The following AMOT variants were observed in gnomAD, a reference collection of about 807,000 sequenced individuals.
AMOT encodes angiomotin.
A neutral mutation model predicts 67.0 loss-of-function variants in AMOT; 11 were observed. The observed-to-expected ratio is 0.16, with a 90% CI of 0.10 to 0.27. The LOEUF is 0.27. Ranked by LOEUF, AMOT falls within the 10% of genes least tolerant of loss-of-function variation. The probability of loss-of-function intolerance (pLI) is 1.00; values close to 1 mark genes in which losing one functional copy is unlikely to be tolerated. For missense variants in AMOT, 753 were observed against 852.0 expected, an observed-to-expected ratio of 0.88 and a Z score of 1.45; for synonymous variants, 326 against 321.4, an observed-to-expected ratio of 1.01 and a Z score of -0.15.
chrX:112,794,332 A>G (rs989902234), intron 8 of AMOT, among the ~76,000 whole-genome samples: 1 of 112,108 alleles, frequency 8.9e-6, no homozygotes, highest in African/African-American at 3.2e-5. Context: ...ATAGGCATGC[A>G]GGTCAGATAA....
At chrX:112,793,632 G>C (rs897400227) in intron 8 of AMOT, among the ~76,000 whole-genome samples, 10 of 112,246 alleles carry the variant, frequency 8.9e-5, no homozygotes, top group African/African-American at 2.9e-4. Flanking sequence ...GCCTTGCCTA[G>C]GTAACTGGCA....
At chrX:112,810,745 A>T (rs768427494) in intron 6 of AMOT, among the ~76,000 whole-genome samples, 1 of 111,618 alleles carries the variant, frequency 9.0e-6, no homozygotes, top group Non-Finnish European at 1.9e-5. Flanking sequence ...GGAAAAAAAA[A>T]AGAAAGTACC....
intron 10 of AMOT, 100 bp downstream of exon 10, chrX:112,790,492 G>A: frequency 3.1e-6 from 3 of 953,043 alleles, no homozygotes; most frequent in Non-Finnish European, 4.2e-6. Flanking sequence ...GAAATTGGGG[G>A]GGAAACCCAG....
At chrX:112,834,257 G>T (rs142763561) in intron 1 of AMOT, among the ~76,000 whole-genome samples, 1 of 111,301 alleles carries the variant, frequency 9.0e-6, no homozygotes, top group Non-Finnish European at 1.9e-5. Context: ...CAGGCCTCTC[G>T]GATAATGAGA....
intron 8 of AMOT, among the ~76,000 whole-genome samples, chrX:112,802,483 T>C (rs1934046092): frequency 8.9e-6 from 1 of 112,190 alleles, no homozygotes. Context: ...GTGCTAGAAG[T>C]GAGCGGGCTT....
intron 8 of AMOT, among the ~76,000 whole-genome samples, chrX:112,795,085 T>C (rs1405863759): frequency 1.8e-5 from 2 of 112,055 alleles, no homozygotes; most frequent in Non-Finnish European, 3.8e-5. Flanking sequence ...GGATACTGCA[T>C]TTCTTTCCAA....
intron 8 of AMOT, among the ~76,000 whole-genome samples, chrX:112,795,246 CTCTG>C (rs1172907683): frequency 2.1e-5 from 2 of 93,047 alleles, no homozygotes; most frequent in Non-Finnish European, 4.0e-5. Flanking sequence ...CTGTCTCTCT[CTCTG>C]TGTGTGTGTG....
intron 3 of AMOT, among the ~76,000 whole-genome samples, chrX:112,824,515 C>T (rs950335512): frequency 7.2e-5 from 8 of 111,380 alleles, no homozygotes; most frequent in African/African-American, 2.6e-4. Context: ...GAGAGAGTGA[C>T]CCAGAATGTA....
intron 3 of AMOT, 118 bp from the exon 4 acceptor site, chrX:112,823,306 G>A (rs1276045309): frequency 4.3e-6 from 2 of 465,780 alleles, no homozygotes; most frequent in South Asian, 4.1e-5. Context: ...GTAGAGAATT[G>A]ACTCTAAAAT....
intron 7 of AMOT, among the ~76,000 whole-genome samples, chrX:112,806,159 G>A (rs1428222719): frequency 1.8e-5 from 2 of 108,369 alleles, no homozygotes; most frequent in Admixed American, 9.9e-5. Flanking sequence ...CCAGCTATTC[G>A]GGAGACTGAG....
chrX:112,813,726 C>T (rs969076019), intron 5 of AMOT, among the ~76,000 whole-genome samples: 2 of 111,739 alleles, frequency 1.8e-5, no homozygotes, highest in Admixed American at 1.9e-4. Flanking sequence ...CAAAGATGGG[C>T]TGGGATCACC....
In AMOT at chrX:112,836,279, C is replaced by T. The variant is rs185233184; in HGVS notation, c.-288-3909G>A. ...CTAGTTTTGTTGTTGTTGTTGTTAA[C>T]AAGAATGGGGGAGGGATAACAGGAG... On this transcript the variant is annotated intron_variant, in intron 1 of 13. Coordinates refer to ENST00000371959, the MANE Select transcript of AMOT (RefSeq NM_001113490.2). Among the ~76,000 whole-genome samples the T allele has an allele frequency of 7.6e-3, 850 of 111,172 alleles. 5 individuals are homozygous for T. Among genetic ancestry groups the T allele is most frequent in the Non-Finnish European group, 9.7e-3 (516 of 52,993 alleles).
At chrX:112,792,930 C>T (rs113186465) in intron 8 of AMOT, among the ~76,000 whole-genome samples, 5,478 of 108,009 alleles carry the variant, frequency 0.051, 106 homozygotes, top group Middle Eastern at 0.078. Context: ...CTTGACTATG[C>T]AGATAAAATA....
chrX:112,790,828 C>T, intron 9 of AMOT, 46 bp from the exon 10 acceptor site: 1 of 1,072,763 alleles, frequency 9.3e-7, no homozygotes, highest in East Asian at 3.3e-5. Context: ...GAGAGAAGAA[C>T]CATGGTGTCT....
rs1932986345 is a variant in AMOT, at chrX:112,778,211, C to T, written c.*356G>A. On this transcript the variant is annotated 3_prime_UTR_variant, in exon 14 of 14. Coordinates refer to ENST00000371959, the MANE Select transcript of AMOT (RefSeq NM_001113490.2). Reference sequence around the variant, plus strand: ...TGTTATACACTGTCTTCCACACATACTGTGCTCTTCAATAAAAAATGATCT... The same window carrying T: ...TGTTATACACTGTCTTCCACACATATTGTGCTCTTCAATAAAAAATGATCT... 1 of 134,627 alleles carries T rather than the reference C, an allele frequency of 7.4e-6. No individual in the cohort carries two copies. Among genetic ancestry groups the T allele is most frequent in the Non-Finnish European group, 1.5e-5 (1 of 66,867 alleles). 11.1% of individuals were successfully genotyped at this position (134,627 alleles called of 1,213,427 possible).
chrX:112,806,246 A>G (rs1464365171), intron 7 of AMOT, among the ~76,000 whole-genome samples: 1 of 108,172 alleles, frequency 9.2e-6, no homozygotes, highest in East Asian at 2.9e-4. Context: ...CAGCCTGGTG[A>G]CAGAGCAAGA....
In AMOT at chrX:112,776,544, C is replaced by T. The variant is rs1050837759; in HGVS notation, c.*2023G>A. 1 of 111,713 alleles carries T rather than the reference C, an allele frequency of 9.0e-6. No homozygotes were observed. The highest frequency in any genetic ancestry group is 1.9e-5 in the Non-Finnish European group (1 of 53,126). The allele number at this position is 111,713 out of a possible 1,213,427, so 9.2% of individuals were successfully genotyped here. A position where few individuals can be genotyped will look rare whatever the true frequency, so the allele number is the denominator to read the frequency against. ...AAAGGACTAGCTGAAAATCACATCA[C>T]CCTCCTTTATGTCTCTACACACACA... On this transcript the variant is annotated 3_prime_UTR_variant, in exon 14 of 14. Coordinates refer to ENST00000371959, the MANE Select transcript of AMOT (RefSeq NM_001113490.2).
chrX:112,789,206 T>TA (rs1933485066), intron 10 of AMOT, among the ~76,000 whole-genome samples: 1 of 112,133 alleles, frequency 8.9e-6, no homozygotes, highest in African/African-American at 3.2e-5. Flanking sequence ...CAGGGTTTCT[T>TA]ATATAACCTC....
At chrX:112,783,691 ATGTGTGTGTGTGTG>A (rs34787381) in intron 10 of AMOT, among the ~76,000 whole-genome samples, 1 of 100,639 alleles carries the variant, frequency 9.9e-6, no homozygotes, top group Non-Finnish European at 2.0e-5. Flanking sequence ...AAGGAAAAAC[ATGTGTGTGTGTGTG>A]TGTGTGTGTG....
Sources: gnomAD v4.1 joint callset for allele counts (sites outside exome capture counted in the v4.1 genomes callset) on GRCh38, gnomAD v4.1.1 for gene constraint, MANE v1.5 for transcripts, NCBI Gene and HGNC (gene_info 2026-07-23, HGNC 2026-07-21) for gene names.